The following IMPDH2 variants were observed in gnomAD, a reference collection of about 807,000 sequenced individuals.
IMPDH2 encodes the protein inosine-5'-monophosphate dehydrogenase 2.
In IMPDH2, 33 loss-of-function variants were observed where a neutral mutation model predicts 57.8. The observed-to-expected ratio is 0.57, with a 90% CI of 0.43 to 0.76. IMPDH2 has a LOEUF of 0.76. IMPDH2 is among the 30% of genes least tolerant of loss of function. The probability of loss-of-function intolerance (pLI) is 0.00; values close to 1 mark genes in which losing one functional copy is unlikely to be tolerated. For missense variants in IMPDH2, 446 were observed against 659.1 expected (o/e 0.68, Z 3.54); for synonymous variants, 270 against 241.3 (o/e 1.12, Z -1.10).
intron 1 of IMPDH2, 66 bp downstream of exon 1, chr3:49,029,187 C>T (rs1290488945): frequency 1.7e-5 from 22 of 1,320,754 alleles, no homozygotes; most frequent in Admixed American, 1.2e-4. Flanking sequence ...CTCGGAAGCC[C>T]CCATCTGGCC....
chr3:49,028,217 A>T, intron 4 of IMPDH2, 31 bp downstream of exon 4: 1 of 1,568,660 alleles, frequency 6.4e-7, no homozygotes, highest in African/African-American at 1.3e-5. Context: ...AATTCCCAGG[A>T]GCGCTTGCTA....
At chr3:49,028,963 C>T in intron 1 of IMPDH2, 157 bp from the exon 2 acceptor site, 1 of 699,088 alleles carries the variant, frequency 1.4e-6, no homozygotes, top group Non-Finnish European at 2.6e-6. Flanking sequence ...GAAATGGGTA[C>T]AGGGGACCTT....
intron 9 of IMPDH2, 197 bp from the exon 10 acceptor site, chr3:49,025,466 A>G (rs1457616071): frequency 3.3e-6 from 2 of 610,606 alleles, no homozygotes; most frequent in African/African-American, 3.7e-5. Context: ...ACCTCTACTC[A>G]CCCCCACATG....
At chr3:49,026,108 G>A (rs1170706933) in intron 9 of IMPDH2, 1 of 670,116 alleles carries the variant, frequency 1.5e-6, no homozygotes, top group Non-Finnish European at 2.7e-6. Context: ...AAGGTGCAGA[G>A]CAGGAGCAAG....
chr3:49,028,751 TACTC>T lies in IMPDH2; in HGVS notation c.147+3_147+6del. Reference sequence around the variant, plus strand: ...ATGTTCAGGACCCAATTCCTGATCATACTCACCACCTGGTCTGCAGTGAAGTCGA... The same window carrying T: ...ATGTTCAGGACCCAATTCCTGATCATACCACCTGGTCTGCAGTGAAGTCGA... On this transcript the variant is annotated splice_donor_5th_base_variant and intron_variant, in intron 2 of 13. Coordinates refer to ENST00000326739, the MANE Select transcript of IMPDH2 (RefSeq NM_000884.3). The T allele has an allele frequency of 2.5e-6, 4 of 1,611,540 alleles. No individual in the cohort carries two copies. The highest frequency in any genetic ancestry group is 2.2e-5 in the East Asian group (1 of 44,860).
chr3:49,024,514 C>T lies in IMPDH2; in HGVS notation c.1504G>A (p.Gly502Ser). Residue 502 changes from glycine to serine, a missense_variant, in exon 13 of 14, where the codon GGC (glycine) becomes AGC (serine). By Grantham distance (56) the Gly-to-Ser change is moderately conservative. Transcript: ENST00000326739. ...ACTTACGAATGGAGGCTATGGACGC[C>T]ACCTTCCACCTGGGCTGAGGACGTT... Reference protein sequence around the residue: ...KRTSSAQVEGGVHSLHSYEKR... With the variant: ...KRTSSAQVEGSVHSLHSYEKR... 6.2e-7 allele frequency: 1 copy of T among 1,614,170 alleles called. No individual in the cohort carries two copies. Among genetic ancestry groups the T allele is most frequent in the South Asian group, 1.1e-5 (1 of 91,082 alleles).
chr3:49,026,695 C>A lies in IMPDH2; in HGVS notation c.811G>T (p.Val271Leu), dbSNP rs151081203. Residue 271 changes from valine to leucine, a missense_variant, in exon 7 of 14, where the codon GTG (valine) becomes TTG (leucine). By Grantham distance (32) the Val-to-Leu change is conservative. Coordinates refer to ENST00000326739, the MANE Select transcript of IMPDH2 (RefSeq NM_000884.3). ...DLLAQAGVDV[V>L]VLDSSQGNSI... ...CCTGTGTAGCAGCTCACCAAAACCACTACATCCACACCAGCCTGGGCGAGC... is the reference window on the plus strand; with the variant it reads ...CCTGTGTAGCAGCTCACCAAAACCAATACATCCACACCAGCCTGGGCGAGC... The A allele has an allele frequency of 6.2e-7, 1 of 1,614,212 alleles. No homozygotes were observed. The highest frequency in any genetic ancestry group is 1.7e-5 in the Admixed American group (1 of 60,030).
At chr3:49,026,209 G>T (rs757766744) in intron 9 of IMPDH2, 115 bp downstream of exon 9, 14 of 781,978 alleles carry the variant, frequency 1.8e-5, no homozygotes, top group African/African-American at 3.4e-5. Context: ...GGCCAATTTG[G>T]CCCCAGGGTT....
intron 2 of IMPDH2, 41 bp downstream of exon 2, chr3:49,028,717 C>G (rs1485786146): frequency 1.3e-6 from 2 of 1,558,514 alleles, no homozygotes; most frequent in Non-Finnish European, 1.8e-6. Flanking sequence ...AGCACCTTAG[C>G]TCACCTTGAT....
Position 49,026,364 on chromosome 3 carries a change from C to A in IMPDH2, c.966G>T (p.Arg322=). 6.2e-7 allele frequency: 1 copy of A among 1,613,612 alleles called. No homozygotes were observed. Among genetic ancestry groups the A allele is most frequent in the Non-Finnish European group, 8.5e-7 (1 of 1,179,784 alleles). The change falls in exon 9 of 14, where the codon CGG becomes CGT. Residue 322 remains arginine (R), a synonymous_variant. Coordinates refer to ENST00000326739, the MANE Select transcript of IMPDH2 (RefSeq NM_000884.3). ...AGATGGAGCCACTTCCCATGCCCAC[C>A]CGCAGGGCATCCACACCTGCATCAA... The part of the protein sequence containing the change: ...NLIDAGVDAL[R]VGMGSGSICI...
chr3:49,026,233 G>A (rs758576601), intron 9 of IMPDH2, 91 bp downstream of exon 9: 1 of 969,918 alleles, frequency 1.0e-6, no homozygotes, highest in Non-Finnish European at 1.6e-6. Context: ...CCTATTGGAG[G>A]GCTCTATTGT....
Position 49,026,838 on chromosome 3 carries a change from G to T in IMPDH2, c.668C>A (p.Ala223Asp). 1.2e-6 allele frequency: 2 copies of T among 1,614,212 alleles called. No individual in the cohort carries two copies. Among genetic ancestry groups the T allele is most frequent in the Non-Finnish European group, 1.7e-6 (2 of 1,180,036 alleles). Residue 223 changes from alanine (A) to aspartate (D), a missense_variant, in exon 7 of 14, where the codon GCC (alanine) becomes GAC (aspartate). Coordinates refer to ENST00000326739, the MANE Select transcript of IMPDH2 (RefSeq NM_000884.3). Reference sequence around the variant, plus strand: ...CCGATTCTTCTTCAGGTCTGTCCGGGCAATGATGGCCACAAGCTCATCATC... The same window carrying T: ...CCGATTCTTCTTCAGGTCTGTCCGGTCAATGATGGCCACAAGCTCATCATC... ...NEDDELVAII[A>D]RTDLKKNRDY...
At chr3:49,028,829 G>A (rs1318343256) in intron 1 of IMPDH2, 23 bp from the exon 2 acceptor site, 11 of 1,605,562 alleles carry the variant, frequency 6.9e-6, no homozygotes, top group Non-Finnish European at 8.5e-6. Context: ...GGAGTGAATT[G>A]GGAGTAAAGC....
chr3:49,029,053 A>T (rs2093212803), intron 1 of IMPDH2, 200 bp downstream of exon 1: 1 of 644,634 alleles, frequency 1.6e-6, no homozygotes. Flanking sequence ...CCGGCCTGAG[A>T]TTCCAAGCAC....
chr3:49,028,262 C>A lies in IMPDH2; in HGVS notation c.310G>T (p.Val104Phe). Residue 104 changes from valine (V) to phenylalanine (F), a missense_variant, in exon 4 of 14, where the codon GTT becomes TTT. Coordinates refer to ENST00000326739, the MANE Select transcript of IMPDH2 (RefSeq NM_000884.3). ...GCCCTTCTGACCTTCACTTTCCGAACTTCATTGGCCTGGAATTCAGGTGTA... is the reference window on the plus strand; with the variant it reads ...GCCCTTCTGACCTTCACTTTCCGAAATTCATTGGCCTGGAATTCAGGTGTA... ...NCTPEFQANE[V>F]RKVKKYEQGF... 1 of 1,614,164 alleles carries A rather than the reference C, an allele frequency of 6.2e-7. No individual in the cohort carries two copies. The highest frequency in any genetic ancestry group is 8.5e-7 in the Non-Finnish European group (1 of 1,179,998).
Position 49,026,832 on chromosome 3 carries a change from G to T in IMPDH2, c.674C>A (p.Thr225Lys). ...GTAGTCCCGATTCTTCTTCAGGTCTGTCCGGGCAATGATGGCCACAAGCTC... is the reference window on the plus strand; with the variant it reads ...GTAGTCCCGATTCTTCTTCAGGTCTTTCCGGGCAATGATGGCCACAAGCTC... ...DDELVAIIAR[T>K]DLKKNRDYPL... is the part of the protein sequence containing the mutation. Residue 225 changes from threonine (T) to lysine (K), a missense_variant, in exon 7 of 14, where the codon ACA becomes AAA. Transcript: ENST00000326739. 6.2e-7 allele frequency: 1 copy of T among 1,614,246 alleles called. No homozygotes were observed. The highest frequency in any genetic ancestry group is 8.5e-7 in the Non-Finnish European group (1 of 1,180,046).
Position 49,027,742 on chromosome 3 carries a change from T to A in IMPDH2, c.499A>T (p.Lys167Ter). 6.2e-7 allele frequency: 1 copy of A among 1,602,136 alleles called. No homozygotes were observed. Among genetic ancestry groups the A allele is most frequent in the East Asian group, 2.2e-5 (1 of 44,552 alleles). The change falls in exon 5 of 14, where the codon AAA (lysine) becomes TAA (stop). Residue 167 changes from lysine to a stop codon, truncating the protein, a stop_gained. Coordinates refer to ENST00000326739, the MANE Select transcript of IMPDH2 (RefSeq NM_000884.3). LOFTEE classifies it high-confidence loss of function. ...AAGAAACAGTCATGTTCCTCCTCTTTGAGAAAATCAATGTCCCTGGAGGAG... is the reference window on the plus strand; with the variant it reads ...AAGAAACAGTCATGTTCCTCCTCTTAGAGAAAATCAATGTCCCTGGAGGAG... ...IISSRDIDFL[K>*]EEEHDCFLEE... is the part of the protein sequence containing the mutation.
intron 2 of IMPDH2, 91 bp downstream of exon 2, chr3:49,028,667 A>C: frequency 7.2e-7 from 1 of 1,382,312 alleles, no homozygotes; most frequent in Non-Finnish European, 1.0e-6. Context: ...TCCACCCCCA[A>C]GCCCAATCTG....
At chr3:49,025,963 T>C (rs1309493097) in intron 9 of IMPDH2, 2 of 467,002 alleles carry the variant, frequency 4.3e-6, no homozygotes, top group Non-Finnish European at 4.3e-6. Context: ...AGTGGGCAGC[T>C]GGGCCGGGCC....
Sources: allele counts gnomAD v4.1 joint callset, GRCh38; gene constraint gnomAD v4.1.1; transcripts MANE v1.5; gene names NCBI Gene and HGNC (gene_info 2026-07-23, HGNC 2026-07-21).